Variants in SGCZ observed in about 807,000 individuals in gnomAD.
SGCZ encodes zeta-sarcoglycan.
In SGCZ, 40 loss-of-function variants were observed where a neutral mutation model predicts 41.3. The ratio of observed to expected loss-of-function variants is 0.97; its 90% confidence interval spans 0.75 to 1.26. The LOEUF is 1.26. SGCZ is among the 50% of genes most tolerant of loss of function. The pLI is 0.00. For synonymous variants in SGCZ, 206 were observed against 137.5 expected (o/e 1.50, Z -3.49); for missense variants, 552 against 369.8 (o/e 1.49, Z -4.04).
chr8:15,001,533 T>A (rs1802420541), intron 1 of SGCZ, among the ~76,000 whole-genome samples: 2 of 152,012 alleles, frequency 1.3e-5, no homozygotes, highest in South Asian at 4.2e-4. Flanking sequence ...ATCGAGACCA[T>A]CCTGGCTAAC....
In SGCZ at chr8:15,080,950, G is replaced by C. The variant is rs1805725421; in HGVS notation, c.39+156635C>G. Reference sequence around the variant, plus strand: ...AGACAGACATAATGCACAGAGGGAAGACCACGTGAAGACACAGGGAGGAGA... The same window carrying C: ...AGACAGACATAATGCACAGAGGGAACACCACGTGAAGACACAGGGAGGAGA... On this transcript the variant is annotated intron_variant, in intron 1 of 7. Coordinates refer to ENST00000382080, the MANE Select transcript of SGCZ (RefSeq NM_139167.4). Among the ~76,000 whole-genome samples, 3 of 152,010 alleles carry C rather than the reference G, an allele frequency of 2.0e-5. No homozygotes were observed. The South Asian group carries it at 6.2e-4, about 31-fold the overall frequency.
chr8:14,436,488 T>C (rs1180301999), intron 2 of SGCZ, among the ~76,000 whole-genome samples: 1 of 152,202 alleles, frequency 6.6e-6, no homozygotes, highest in African/African-American at 2.4e-5. Context: ...TTTAAGGGAT[T>C]TGTGAGGTCA....
intron 2 of SGCZ, among the ~76,000 whole-genome samples, chr8:14,368,563 T>C (rs1386277867): frequency 6.6e-6 from 1 of 152,078 alleles, no homozygotes; most frequent in Non-Finnish European, 1.5e-5. Context: ...TGGAGGGACG[T>C]TGTACATTAA....
chr8:14,913,354 T>C (rs1799333031), intron 1 of SGCZ, among the ~76,000 whole-genome samples: 1 of 152,080 alleles, frequency 6.6e-6, no homozygotes, highest in African/African-American at 2.4e-5. Flanking sequence ...AATTGTGCTC[T>C]CACAACTATA....
Position 15,237,573 on chromosome 8 carries a change from A to T in SGCZ, c.39+12T>A. 6.3e-7 allele frequency: 1 copy of T among 1,587,300 alleles called. No homozygotes were observed. Among genetic ancestry groups the T allele is most frequent in the Non-Finnish European group, 8.6e-7 (1 of 1,164,894 alleles). ...AGAAGCGGCCGCGAAGCCCGCCCGG[A>T]CCCGCACGTACCTTGAGCTCCTCAA... On this transcript the variant is annotated intron_variant, in intron 1 of 7. Transcript: ENST00000382080.
At chr8:14,527,737 A>G (rs1295216566) in intron 2 of SGCZ, among the ~76,000 whole-genome samples, 6 of 152,096 alleles carry the variant, frequency 3.9e-5, no homozygotes, top group African/African-American at 1.4e-4. Flanking sequence ...CACATGTGTT[A>G]ATTACCACTG....
chr8:14,134,386 C>T (rs1287153336), intron 5 of SGCZ, among the ~76,000 whole-genome samples: 1 of 152,070 alleles, frequency 6.6e-6, no homozygotes, highest in African/African-American at 2.4e-5. Context: ...AGTATTCAAG[C>T]AAGTAATTCT....
intron 5 of SGCZ, among the ~76,000 whole-genome samples, chr8:14,157,309 TTA>T (rs1803904705): frequency 6.8e-6 from 1 of 147,542 alleles, no homozygotes; most frequent in East Asian, 2.0e-4. Flanking sequence ...ATATACAATA[TTA>T]TATGTTATAT....
intron 1 of SGCZ, among the ~76,000 whole-genome samples, chr8:14,908,391 G>A (rs1407573833): frequency 6.6e-6 from 1 of 152,182 alleles, no homozygotes; most frequent in Admixed American, 6.5e-5. Context: ...CCATGAGACT[G>A]TATTCTACCA....
chr8:15,119,881 C>T (rs911690249), intron 1 of SGCZ, among the ~76,000 whole-genome samples: 24 of 152,184 alleles, frequency 1.6e-4, no homozygotes, highest in African/African-American at 5.3e-4. Flanking sequence ...GCGATCATAA[C>T]GCATTGTGGC....
At chr8:14,361,374 G>C (rs953479652) in intron 2 of SGCZ, among the ~76,000 whole-genome samples, 6 of 152,022 alleles carry the variant, frequency 3.9e-5, no homozygotes, top group Non-Finnish European at 7.4e-5. Flanking sequence ...TGAAGGTTTT[G>C]TTTCTTTTCA....
Position 14,108,129 on chromosome 8 carries a change from A to AT in SGCZ, c.620+33dup, listed in dbSNP as rs568224893. 417 of 1,596,780 alleles carry AT rather than the reference A, an allele frequency of 2.6e-4. No individual in the cohort carries two copies. In the African/African-American group the frequency reaches 4.8e-3, roughly 18 times the overall value. On this transcript the variant is annotated intron_variant, in intron 6 of 7. Coordinates refer to ENST00000382080, the MANE Select transcript of SGCZ (RefSeq NM_139167.4). ...TATTAAGGATTATCAACAATGATGG[A>AT]TTTTATGCCACAGGTATAAGAGGAA...
chr8:14,784,208 G>C (rs117815926), intron 1 of SGCZ, among the ~76,000 whole-genome samples: 1 of 123,576 alleles, frequency 8.1e-6, no homozygotes, highest in Non-Finnish European at 1.9e-5. Context: ...ATGCCACCGA[G>C]CCTGGCTAAT....
intron 1 of SGCZ, among the ~76,000 whole-genome samples, chr8:14,920,902 G>C (rs1217088407): frequency 3.3e-5 from 5 of 152,128 alleles, no homozygotes; most frequent in Admixed American, 1.3e-4. Context: ...AACCAGAATT[G>C]AAACAATCAT....
chr8:15,225,961 C>A (rs548443156), intron 1 of SGCZ, among the ~76,000 whole-genome samples: 1 of 152,072 alleles, frequency 6.6e-6, no homozygotes, highest in East Asian at 1.9e-4. Flanking sequence ...CATTGCCTTA[C>A]TCTTACTAGT....
intron 2 of SGCZ, among the ~76,000 whole-genome samples, chr8:14,507,959 C>A (rs1045576596): frequency 1.3e-5 from 2 of 151,690 alleles, no homozygotes; most frequent in South Asian, 4.2e-4. Context: ...TTAGTAGAGA[C>A]GGGGTTTTTC....
At chr8:14,908,743 CAAAAA>C (rs58817872) in intron 1 of SGCZ, among the ~76,000 whole-genome samples, 13 of 91,142 alleles carry the variant, frequency 1.4e-4, no homozygotes, top group African/African-American at 3.3e-4. Flanking sequence ...GTCACCGTTG[CAAAAA>C]AAAAAAAAAA....
intron 1 of SGCZ, among the ~76,000 whole-genome samples, chr8:14,575,439 G>T (rs1804677113): frequency 6.6e-6 from 1 of 152,130 alleles, no homozygotes; most frequent in Non-Finnish European, 1.5e-5. Flanking sequence ...GTGAAAATAT[G>T]TATACCTTAT....
chr8:14,090,423 G>A lies in SGCZ; in HGVS notation c.*20C>T. The A allele has an allele frequency of 1.9e-6, 3 of 1,606,626 alleles. No individual in the cohort carries two copies. Among genetic ancestry groups the A allele is most frequent in the Non-Finnish European group, 2.6e-6 (3 of 1,176,176 alleles). Reference sequence around the variant, plus strand: ...GACAGGAACAAAAGGCTATTCTGGTGTGAGGAGAAATCAGTCACTTCAGCT... The same window carrying A: ...GACAGGAACAAAAGGCTATTCTGGTATGAGGAGAAATCAGTCACTTCAGCT... On this transcript the variant is annotated 3_prime_UTR_variant, in exon 8 of 8. Coordinates refer to ENST00000382080, the MANE Select transcript of SGCZ (RefSeq NM_139167.4).
Sources: gnomAD v4.1 joint callset for allele counts (sites outside exome capture counted in the v4.1 genomes callset) on GRCh38, gnomAD v4.1.1 for gene constraint, MANE v1.5 for transcripts, NCBI Gene and HGNC (gene_info 2026-07-23, HGNC 2026-07-21) for gene names.